Variants in FAF1 observed in about 807,000 individuals in gnomAD.
FAF1 encodes FAS-associated factor 1.
A neutral mutation model predicts 92.5 loss-of-function variants in FAF1; 25 were observed. The ratio of observed to expected loss-of-function variants is 0.27; its 90% CI spans 0.20 to 0.38. The LOEUF (loss-of-function observed/expected upper bound fraction) is 0.38. Ranked by LOEUF, FAF1 falls within the 10% of genes least tolerant of loss-of-function variation. FAF1 has a pLI of 1.00. For missense variants in FAF1, 636 were observed against 793.3 expected (o/e 0.80, Z 2.38); for synonymous variants, 234 against 273.2 (o/e 0.86, Z 1.42).
chr1:50,667,390 T>C (rs2124329524), intron 7 of FAF1, among the ~76,000 whole-genome samples: 1 of 152,190 alleles, frequency 6.6e-6, no homozygotes, highest in East Asian at 1.9e-4. Flanking sequence ...AATTATGCCC[T>C]ATCCTGTTAT....
intron 1 of FAF1, among the ~76,000 whole-genome samples, chr1:50,932,879 G>C (rs972828413): frequency 1.3e-5 from 2 of 152,152 alleles, no homozygotes; most frequent in African/African-American, 4.8e-5. Flanking sequence ...CTCAATTCTT[G>C]ACTTCTGTGC....
chr1:50,751,150 TAA>T (rs201412517), intron 4 of FAF1, among the ~76,000 whole-genome samples: 2,646 of 141,190 alleles, frequency 0.019, 71 homozygotes, highest in African/African-American at 0.065. Flanking sequence ...CATTTCATGT[TAA>T]AAAAAAAAAA....
intron 15 of FAF1, among the ~76,000 whole-genome samples, chr1:50,497,869 TTGAC>T (rs1646920468): frequency 6.6e-6 from 1 of 152,096 alleles, no homozygotes; most frequent in South Asian, 2.1e-4. Flanking sequence ...TAAGAAACAA[TTGAC>T]TGTATCTCAA....
chr1:50,705,413 AAATAAT>A (rs1657634567), intron 7 of FAF1, among the ~76,000 whole-genome samples: 2 of 152,254 alleles, frequency 1.3e-5, no homozygotes, highest in African/African-American at 4.8e-5. Flanking sequence ...TACACAATAT[AAATAAT>A]TATTTGAGAG....
At chr1:50,562,361 G>A (rs918093561) in intron 13 of FAF1, among the ~76,000 whole-genome samples, 1 of 152,060 alleles carries the variant, frequency 6.6e-6, no homozygotes, top group African/African-American at 2.4e-5. Context: ...AGATTATAGA[G>A]GATTATATTA....
chr1:50,783,599 C>T (rs369341634), intron 4 of FAF1, among the ~76,000 whole-genome samples: 2 of 152,090 alleles, frequency 1.3e-5, no homozygotes, highest in Non-Finnish European at 2.9e-5. Flanking sequence ...ATCGGCCAGG[C>T]GCGGTGGTTC....
At chr1:50,763,215 G>A (rs181609616) in intron 4 of FAF1, among the ~76,000 whole-genome samples, 87 of 152,108 alleles carry the variant, frequency 5.7e-4, no homozygotes, top group African/African-American at 2.0e-3. Flanking sequence ...CCGAGATGAC[G>A]CCACTGCACT....
intron 1 of FAF1, among the ~76,000 whole-genome samples, chr1:50,865,637 A>T (rs1347489858): frequency 1.6e-5 from 2 of 128,876 alleles, no homozygotes; most frequent in African/African-American, 5.9e-5. Flanking sequence ...GAATTGAACA[A>T]TGAGAACACA....
chr1:50,779,722 C>T (rs72902748), intron 4 of FAF1, among the ~76,000 whole-genome samples: 405 of 151,788 alleles, frequency 2.7e-3, no homozygotes, highest in African/African-American at 9.3e-3. Context: ...TAGATTGTTA[C>T]CAGCTTAAAA....
chr1:50,760,099 C>T (rs1660261936), intron 4 of FAF1, among the ~76,000 whole-genome samples: 1 of 151,990 alleles, frequency 6.6e-6, no homozygotes, highest in Non-Finnish European at 1.5e-5. Flanking sequence ...GAGTAGGTTG[C>T]ATACTGGTAA....
chr1:50,613,234 T>C (rs1652758998), intron 8 of FAF1, among the ~76,000 whole-genome samples: 1 of 152,218 alleles, frequency 6.6e-6, no homozygotes, highest in African/African-American at 2.4e-5. Context: ...AACTATCTGA[T>C]TGACATCTGG....
At chr1:50,709,315 T>C (rs1657818098) in intron 6 of FAF1, among the ~76,000 whole-genome samples, 1 of 152,230 alleles carries the variant, frequency 6.6e-6, no homozygotes, top group South Asian at 2.1e-4. Context: ...TATTGTCTTG[T>C]ACAGTTTGCT....
intron 7 of FAF1, among the ~76,000 whole-genome samples, chr1:50,702,479 TA>T (rs1657514468): frequency 6.6e-6 from 1 of 152,144 alleles, no homozygotes. Flanking sequence ...CATTCTTTGA[TA>T]TTTTTTACAA....
chr1:50,782,337 T>C (rs1661208174), intron 4 of FAF1, among the ~76,000 whole-genome samples: 1 of 152,110 alleles, frequency 6.6e-6, no homozygotes, highest in South Asian at 2.1e-4. Flanking sequence ...AACAGTGATA[T>C]TGATGATCCT....
chr1:50,546,598 T>C (rs570830132), intron 13 of FAF1, among the ~76,000 whole-genome samples: 9 of 152,214 alleles, frequency 5.9e-5, no homozygotes, highest in African/African-American at 2.2e-4. Flanking sequence ...ACTCCTGGCC[T>C]TGTGATCCTC....
intron 8 of FAF1, among the ~76,000 whole-genome samples, chr1:50,632,984 GCTATTTTTAAATTAT>G (rs1285060078): frequency 6.6e-6 from 1 of 152,092 alleles, no homozygotes; most frequent in Non-Finnish European, 1.5e-5. Context: ...CAGATAAGGT[GCTATTTTTAAATTAT>G]CTATTTTTAA....
intron 4 of FAF1, among the ~76,000 whole-genome samples, chr1:50,752,784 G>A (rs188338934): frequency 3.9e-5 from 6 of 152,240 alleles, no homozygotes; most frequent in Admixed American, 3.9e-4. Flanking sequence ...CCGGGTTCAA[G>A]TGATTCTCCC....
intron 7 of FAF1, among the ~76,000 whole-genome samples, chr1:50,686,374 C>T (rs1456018870): frequency 6.6e-6 from 1 of 151,994 alleles, no homozygotes; most frequent in East Asian, 1.9e-4. Flanking sequence ...GAAACCCCGT[C>T]CCTACTAAAA....
At chr1:50,669,394 G>A (rs1396065167) in intron 7 of FAF1, among the ~76,000 whole-genome samples, 1 of 152,176 alleles carries the variant, frequency 6.6e-6, no homozygotes, top group Non-Finnish European at 1.5e-5. Flanking sequence ...CACATGGAGA[G>A]ACACTGTCAT....
Sources: gnomAD v4.1 joint callset for allele counts (sites outside exome capture counted in the v4.1 genomes callset) on GRCh38, gnomAD v4.1.1 for gene constraint, MANE v1.5 for transcripts, NCBI Gene and HGNC (gene_info 2026-07-23, HGNC 2026-07-21) for gene names.